FBXL13: variants seen among roughly 807,000 people sequenced by gnomAD.
FBXL13 encodes F-box and leucine-rich repeat protein 13.
FBXL13 carries 67 observed loss-of-function variants against 83.6 expected under a neutral mutation model. The observed-to-expected ratio is 0.80, with a 90% confidence interval of 0.66 to 0.98. FBXL13 has a LOEUF of 0.98. Among genes scored for constraint, FBXL13 ranks in the 50% least tolerant of loss-of-function variants. The pLI, the probability that FBXL13 is intolerant of heterozygous loss-of-function variation, is 0.00. For synonymous variants in FBXL13, 272 were observed against 299.5 expected (o/e 0.91, Z 0.95); for missense variants, 822 against 866.5 (o/e 0.95, Z 0.64).
At chr7:102,883,516 A>G in intron 13 of FBXL13, 49 bp from the exon 15 acceptor site, 1 of 1,590,850 alleles carries the variant, frequency 6.3e-7, no homozygotes, top group South Asian at 1.1e-5. Flanking sequence ...TTAGAATGCC[A>G]CAAGAGTAAA....
intron 8 of FBXL13, chr7:102,942,181 G>A (rs1821586112): frequency 2.7e-6 from 2 of 733,232 alleles, no homozygotes; most frequent in South Asian, 1.8e-5. Context: ...CCTACCAAAT[G>A]CCAAGCACTT....
intron 11 of FBXL13, among the ~76,000 whole-genome samples, chr7:102,898,027 C>A (rs1812468595): frequency 6.6e-6 from 1 of 152,162 alleles, no homozygotes; most frequent in Admixed American, 6.5e-5. Context: ...GCCACAGCAT[C>A]AGCTTTCCTG....
intron 8 of FBXL13, among the ~76,000 whole-genome samples, chr7:102,956,445 T>TAC (rs1824287018): frequency 6.6e-6 from 1 of 152,062 alleles, no homozygotes; most frequent in Non-Finnish European, 1.5e-5. Context: ...TGGGCAAAAT[T>TAC]TGGAAGCATT....
In FBXL13 at chr7:102,963,438, T is replaced by C. The variant is rs1045227797; in HGVS notation, c.724+95A>G. The C allele has an allele frequency of 2.2e-5, 32 of 1,456,752 alleles. No homozygotes were observed. In the African/African-American group the frequency reaches 4.6e-4, roughly 21 times the overall value. 90.2% of individuals were successfully genotyped at this position (1,456,752 alleles called of 1,614,324 possible). On this transcript the variant is annotated intron_variant, in intron 8 of 19. Coordinates refer to ENST00000313221, the Ensembl canonical transcript of FBXL13. ...TTGGTATCCTTATGACCTAAAACTGTCACTGAAGTTTCCTTTTTAATCTAT... is the reference window on the plus strand; with the variant it reads ...TTGGTATCCTTATGACCTAAAACTGCCACTGAAGTTTCCTTTTTAATCTAT...
chr7:103,022,779 T>C (rs1013698964), intron 6 of FBXL13, among the ~76,000 whole-genome samples: 1 of 152,190 alleles, frequency 6.6e-6, no homozygotes, highest in African/African-American at 2.4e-5. Flanking sequence ...AATTTCATTA[T>C]GAAGATGCCA....
In FBXL13 at chr7:102,983,421, C is replaced by CTTTTT. The variant is rs151066223; in HGVS notation, c.496-15305_496-15304insAAAAA. On this transcript the variant is annotated intron_variant, in intron 6 of 19. Transcript: ENST00000313221. ...AACCCATTCTGGTTTTCTTTTTTCC[C>CTTTTT]CTTTTTTTTTTTTTTTTGAGTGGGG... 9.7e-3 allele frequency among the ~76,000 whole-genome samples: 1,406 copies of CTTTTT among 145,420 alleles called. 60 individuals are homozygous for CTTTTT. Among genetic ancestry groups the CTTTTT allele is most frequent in the African/African-American group, 0.034 (1,310 of 38,690 alleles).
At chr7:102,897,495 A>C (rs1812400262) in intron 11 of FBXL13, among the ~76,000 whole-genome samples, 1 of 152,190 alleles carries the variant, frequency 6.6e-6, no homozygotes, top group Non-Finnish European at 1.5e-5. Context: ...TAAATGGGAA[A>C]TACGAACAAA....
intron 6 of FBXL13, among the ~76,000 whole-genome samples, chr7:103,008,835 G>A (rs1422674865): frequency 6.6e-6 from 1 of 152,184 alleles, no homozygotes; most frequent in Non-Finnish European, 1.5e-5. Context: ...TGGGATTACA[G>A]GCGTGAGCCA....
intron 16 of FBXL13, among the ~76,000 whole-genome samples, chr7:102,877,258 G>GT (rs1450218153): frequency 6.6e-6 from 1 of 152,030 alleles, no homozygotes; most frequent in Non-Finnish European, 1.5e-5. Flanking sequence ...CCAAAATACT[G>GT]TATTTTGCTA....
intron 11 of FBXL13, among the ~76,000 whole-genome samples, chr7:102,890,217 C>A (rs1811361428): frequency 6.6e-6 from 1 of 152,164 alleles, no homozygotes; most frequent in South Asian, 2.1e-4. Flanking sequence ...ATTAAAAATT[C>A]CTCTCTAAAG....
At chr7:102,841,889 T>C (rs1802997213) in intron 17 of FBXL13, among the ~76,000 whole-genome samples, 1 of 152,174 alleles carries the variant, frequency 6.6e-6, no homozygotes, top group Admixed American at 6.5e-5. Context: ...AGTAAAACTC[T>C]TAATTATTCC....
At chr7:103,026,859 T>G (rs1182734009) in intron 5 of FBXL13, among the ~76,000 whole-genome samples, 3 of 152,100 alleles carry the variant, frequency 2.0e-5, no homozygotes, top group Admixed American at 2.0e-4. Flanking sequence ...ATAAAATATC[T>G]CCTACTAAAT....
intron 6 of FBXL13, among the ~76,000 whole-genome samples, chr7:103,020,581 A>C (rs2129487601): frequency 6.6e-6 from 1 of 152,216 alleles, no homozygotes; most frequent in East Asian, 1.9e-4. Flanking sequence ...TATTTAGAAA[A>C]CCCCATCGTC....
At chr7:103,012,447 C>CA (rs1323265198) in intron 6 of FBXL13, among the ~76,000 whole-genome samples, 1 of 150,910 alleles carries the variant, frequency 6.6e-6, no homozygotes. Context: ...ATCAGGCTAA[C>CA]AGCAGACCTG....
chr7:102,927,824 G>T (rs1426817324), intron 9 of FBXL13, among the ~76,000 whole-genome samples: 1 of 152,224 alleles, frequency 6.6e-6, no homozygotes, highest in African/African-American at 2.4e-5. Context: ...TTTCCAAAAA[G>T]AATCTAGAGA....
chr7:103,003,291 T>G (rs1177863964), intron 6 of FBXL13, among the ~76,000 whole-genome samples: 68 of 125,026 alleles, frequency 5.4e-4, no homozygotes, highest in African/African-American at 2.0e-3. Flanking sequence ...TTTTTTTTTT[T>G]TTTTTTTTTT....
chr7:102,934,672 C>T (rs1302904287), intron 8 of FBXL13: 4 of 1,586,364 alleles, frequency 2.5e-6, no homozygotes, highest in South Asian at 1.2e-5. Context: ...AAACACTGGA[C>T]TGCAAAAGGA....
chr7:102,836,035 G>T (rs1403311433), intron 17 of FBXL13, among the ~76,000 whole-genome samples: 1 of 152,190 alleles, frequency 6.6e-6, no homozygotes, highest in African/African-American at 2.4e-5. Context: ...ATTGAAGGAT[G>T]AAACAAGCTT....
chr7:102,821,952 T>C (rs1012953057), intron 19 of FBXL13, 88 bp downstream of exon 20: 9 of 1,321,384 alleles, frequency 6.8e-6, no homozygotes, highest in Admixed American at 2.0e-5. Context: ...CACTGAAAGC[T>C]GCTATGTATT....
Sources: allele counts gnomAD v4.1 joint callset (sites outside exome capture counted in the v4.1 genomes callset), GRCh38; gene constraint gnomAD v4.1.1; transcripts MANE v1.5; gene names NCBI Gene and HGNC (gene_info 2026-07-23, HGNC 2026-07-21).